The following NRK variants were observed in gnomAD, a reference collection of about 807,000 sequenced individuals.
The protein encoded by NRK is Nik related kinase, also known as nik-related protein kinase.
Under a neutral mutation model 125.2 loss-of-function variants are expected in NRK, and 67 were observed. That is an observed-to-expected ratio of 0.54 (90% CI 0.44 to 0.66). NRK has a LOEUF of 0.66. Ranked by LOEUF, NRK falls within the 30% of genes least tolerant of loss-of-function variation. The pLI is 0.00. For synonymous variants in NRK, 458 were observed against 429.0 expected (o/e 1.07, Z -0.84); for missense variants, 1,224 against 1,192.9 (o/e 1.03, Z -0.38).
chrX:105,877,320 G>A (rs766988104), intron 2 of NRK, among the ~76,000 whole-genome samples: 151 of 111,755 alleles, frequency 1.4e-3, no homozygotes, highest in Non-Finnish European at 2.6e-3. Flanking sequence ...AGACATGATA[G>A]CTAAATAGAA....
intron 2 of NRK, among the ~76,000 whole-genome samples, chrX:105,854,894 C>T (rs952665981): frequency 1.8e-5 from 2 of 112,081 alleles, no homozygotes; most frequent in Admixed American, 1.9e-4. Context: ...ACTCTCTGAG[C>T]CTCAGGTTTT....
At chrX:105,896,248 A>C (rs762390581) in intron 7 of NRK, among the ~76,000 whole-genome samples, 22 of 112,068 alleles carry the variant, frequency 2.0e-4, no homozygotes, top group African/African-American at 6.8e-4. Flanking sequence ...ATGTCAGTAC[A>C]TTGTAGTGGC....
At position 105,909,467 on chromosome X, in the gene NRK, T is replaced by C. The variant is rs1326510259; in HGVS notation, c.1826T>C (p.Leu609Pro). ...CCACTACATTTGGATACTCAGGTGC[T>C]CATTCCAGTAGAGGGGCAAACTGAA... is the stretch of plus-strand genomic sequence containing the variant. Reference protein sequence around the residue: ...LLPLHLDTQVLIPVEGQTEGS... With the variant: ...LLPLHLDTQVPIPVEGQTEGS... Residue 609 changes from leucine to proline, a missense_variant, in exon 13 of 29, where the codon CTC becomes CCC. Physicochemically the swap from Leu to Pro is moderately conservative, Grantham distance 98. Transcript: ENST00000243300. 8.3e-7 allele frequency: 1 copy of C among 1,209,446 alleles called. No homozygotes were observed. Among genetic ancestry groups the C allele is most frequent in the Non-Finnish European group, 1.1e-6 (1 of 893,963 alleles).
chrX:105,946,258 G>T, intron 25 of NRK, 57 bp from the exon 26 acceptor site: 1 of 1,030,953 alleles, frequency 9.7e-7, no homozygotes, highest in Non-Finnish European at 1.3e-6. Flanking sequence ...GGGAATTTTT[G>T]CCTTAGTTAG....
chrX:105,948,078 T>C (rs1250242880), intron 26 of NRK, among the ~76,000 whole-genome samples: 3 of 108,820 alleles, frequency 2.8e-5, no homozygotes, highest in Non-Finnish European at 3.8e-5. Context: ...GCATCTCTCT[T>C]TTTTTTTTAA....
At chrX:105,846,077 A>C (rs1409148797) in intron 2 of NRK, among the ~76,000 whole-genome samples, 1 of 110,311 alleles carries the variant, frequency 9.1e-6, no homozygotes, top group Non-Finnish European at 1.9e-5. Flanking sequence ...TTGATTAGTC[A>C]CTCTCCGGTT....
intron 5 of NRK, among the ~76,000 whole-genome samples, chrX:105,888,735 C>A (rs188056917): frequency 2.7e-5 from 3 of 111,090 alleles, no homozygotes; most frequent in Non-Finnish European, 5.7e-5. Flanking sequence ...TCTTGCATGG[C>A]GGCAGGCAAG....
intron 2 of NRK, among the ~76,000 whole-genome samples, chrX:105,862,758 G>A (rs1028695683): frequency 1.8e-5 from 2 of 112,144 alleles, no homozygotes; most frequent in Non-Finnish European, 3.8e-5. Flanking sequence ...ATTAGTGGCT[G>A]ATGTTAAAAC....
chrX:105,905,803 A>G (rs2040212622), intron 10 of NRK, among the ~76,000 whole-genome samples: 1 of 112,170 alleles, frequency 8.9e-6, no homozygotes, highest in Non-Finnish European at 1.9e-5. Flanking sequence ...TTGATCTTGT[A>G]CCTGAAACTC....
intron 2 of NRK, among the ~76,000 whole-genome samples, chrX:105,854,078 T>G (rs2039504496): frequency 8.9e-6 from 1 of 111,916 alleles, no homozygotes; most frequent in Admixed American, 9.5e-5. Flanking sequence ...AATTTCCCAG[T>G]GCTGATGGCT....
intron 5 of NRK, among the ~76,000 whole-genome samples, chrX:105,892,097 G>C (rs1002994340): frequency 9.0e-6 from 1 of 111,701 alleles, no homozygotes; most frequent in African/African-American, 3.3e-5. Context: ...TGTTGTGCTA[G>C]ATGCTGAGGA....
intron 2 of NRK, among the ~76,000 whole-genome samples, chrX:105,848,020 AT>A (rs1306342733): frequency 1.8e-5 from 2 of 112,399 alleles, no homozygotes; most frequent in African/African-American, 6.5e-5. Flanking sequence ...TTAAAATGTT[AT>A]TAGCATTGCA....
At chrX:105,954,008 G>A (rs980895364) in intron 28 of NRK, among the ~76,000 whole-genome samples, 3 of 110,860 alleles carry the variant, frequency 2.7e-5, no homozygotes, top group African/African-American at 9.8e-5. Flanking sequence ...CTAGAATGCA[G>A]TCCTGGCTCT....
At chrX:105,860,647 A>G (rs754267416) in intron 2 of NRK, among the ~76,000 whole-genome samples, 3 of 110,459 alleles carry the variant, frequency 2.7e-5, no homozygotes, top group African/African-American at 9.8e-5. Context: ...GAATCATACA[A>G]TGTGTGACAT....
intron 27 of NRK, among the ~76,000 whole-genome samples, chrX:105,950,021 G>T (rs2040870607): frequency 8.9e-6 from 1 of 111,794 alleles, no homozygotes; most frequent in African/African-American, 3.2e-5. Flanking sequence ...CTATAATTTT[G>T]TTTTAACTCC....
intron 2 of NRK, among the ~76,000 whole-genome samples, chrX:105,844,035 G>C (rs754896992): frequency 5.7e-4 from 61 of 107,407 alleles, no homozygotes; most frequent in South Asian, 1.6e-3. Flanking sequence ...GTGTGTGTGT[G>C]TGTGTGTCTG....
intron 24 of NRK, among the ~76,000 whole-genome samples, 187 bp downstream of exon 24, chrX:105,944,228 C>T (rs754395188): frequency 9.0e-6 from 1 of 111,091 alleles, no homozygotes; most frequent in East Asian, 2.8e-4. Flanking sequence ...CACTCTCTCA[C>T]TCTGGCCCAG....
At position 105,822,747 on chromosome X, in the gene NRK, C is replaced by G. The variant is rs760220054; in HGVS notation, c.-99C>G. The G allele has an allele frequency of 3.9e-5, 32 of 818,166 alleles. No individual in the cohort carries two copies. The highest frequency in any genetic ancestry group is 5.4e-5 in the Non-Finnish European group (30 of 553,508). 67.4% of individuals were successfully genotyped at this position (818,166 alleles called of 1,213,427 possible). ...CCCCAGACTCCTCTCTCCCGCCCTC[C>G]TCCTTCCTCTCTCCTCCCTTCAACT... On this transcript the variant is annotated 5_prime_UTR_variant, in exon 1 of 29. Coordinates refer to ENST00000243300, the MANE Select transcript of NRK (RefSeq NM_198465.4).
intron 16 of NRK, among the ~76,000 whole-genome samples, chrX:105,919,613 G>A (rs1469494575): frequency 9.0e-6 from 1 of 111,608 alleles, no homozygotes; most frequent in East Asian, 2.8e-4. Context: ...AGAAAGTTTT[G>A]TTGTACATTG....
Sources: allele counts gnomAD v4.1 joint callset (sites outside exome capture counted in the v4.1 genomes callset), GRCh38; gene constraint gnomAD v4.1.1; transcripts MANE v1.5; gene names NCBI Gene and HGNC (gene_info 2026-07-23, HGNC 2026-07-21).